Variants in PRKCH observed in about 807,000 individuals in gnomAD.
PRKCH encodes the protein protein kinase C eta type.
PRKCH carries 28 observed loss-of-function variants against 82.5 expected under a neutral mutation model. That is an observed-to-expected ratio of 0.34 (90% confidence interval 0.25 to 0.47). PRKCH has a LOEUF of 0.47. PRKCH is among the 20% of genes least tolerant of loss of function. The pLI is 1.00. For synonymous variants in PRKCH, 322 were observed against 327.4 expected, an observed-to-expected ratio of 0.98 and a Z score of 0.18; for missense variants, 705 against 881.8, an observed-to-expected ratio of 0.80 and a Z score of 2.54.
chr14:61,299,385 A>G (rs1001982396), intron 1 of PRKCH, among the ~76,000 whole-genome samples: 2 of 152,176 alleles, frequency 1.3e-5, no homozygotes, highest in African/African-American at 4.8e-5. Context: ...TATACCAGTT[A>G]AAGTCTGCCA....
chr14:61,280,222 C>G lies in PRKCH; in HGVS notation c.-19+92554C>G, dbSNP rs1435410084. On this transcript the variant is annotated intron_variant, in intron 1 of 3. Transcript: ENST00000555185. This position sits in a 1 kb window ranked among gnomAD's most constrained non-coding sequence, Gnocchi z 5.0. ...CAGGAAGGGGTTCTTGCCACCCATC[C>G]ACGAGATGCTGCTGAAGATGAGGAG... 2 of 1,614,022 alleles carry G rather than the reference C, an allele frequency of 1.2e-6. No homozygotes were observed. The highest frequency in any genetic ancestry group is 1.7e-6 in the Non-Finnish European group (2 of 1,179,948).
chr14:61,452,963 G>C (rs1884581867), intron 6 of PRKCH: 1 of 475,524 alleles, frequency 2.1e-6, no homozygotes, highest in Non-Finnish European at 3.7e-6. Flanking sequence ...TAGATGAATG[G>C]GTTTCATCAA....
intron 7 of PRKCH, among the ~76,000 whole-genome samples, chr14:61,456,136 A>C (rs1284816676): frequency 6.6e-6 from 1 of 152,194 alleles, no homozygotes; most frequent in Non-Finnish European, 1.5e-5. Context: ...CTTTACATGC[A>C]TTTGTTCATT....
At chr14:61,299,377 T>C (rs969560798) in intron 1 of PRKCH, among the ~76,000 whole-genome samples, 1 of 152,204 alleles carries the variant, frequency 6.6e-6, no homozygotes, top group Non-Finnish European at 1.5e-5. Context: ...AGGTCATATA[T>C]ACCAGTTAAA....
chr14:61,542,926 G>T lies in PRKCH; in HGVS notation c.1762-4817G>T, dbSNP rs865781676. On this transcript the variant is annotated intron_variant, in intron 12 of 13. Transcript: ENST00000332981. ...TTCTTGAGGGCTTTCTTTATGCCAG[G>T]CGCTTTACGTTAATTCTCTCATTGA... Among the ~76,000 whole-genome samples the T allele has an allele frequency of 3.9e-5, 6 of 152,274 alleles. No homozygotes were observed. The South Asian group carries it at 1.2e-3, about 32-fold the overall frequency.
chr14:61,355,272 T>C (rs562672356), intron 1 of PRKCH, among the ~76,000 whole-genome samples: 48 of 152,330 alleles, frequency 3.2e-4, no homozygotes, highest in African/African-American at 1.1e-3. Flanking sequence ...CTCATTGCAC[T>C]GAACACCATT....
intron 1 of PRKCH, among the ~76,000 whole-genome samples, chr14:61,207,632 A>T (rs75463878): frequency 6.6e-6 from 1 of 151,556 alleles, no homozygotes; most frequent in Non-Finnish European, 1.5e-5. Context: ...AAGAGCTACT[A>T]TTTATTGGGT....
intron 1 of PRKCH, among the ~76,000 whole-genome samples, chr14:61,248,200 G>C (rs1467428776): frequency 6.6e-6 from 1 of 152,066 alleles, no homozygotes; most frequent in African/African-American, 2.4e-5. Flanking sequence ...TAGCACTCCT[G>C]TCCTGGTGGG....
At chr14:61,215,995 T>C (rs11158329) in intron 1 of PRKCH, among the ~76,000 whole-genome samples, 83,810 of 152,046 alleles carry the variant, frequency 0.55, 25,127 homozygotes, top group Non-Finnish European at 0.68. Flanking sequence ...CAATCTACTC[T>C]GCCCAACTTT....
chr14:61,403,376 T>C (rs7142468), intron 2 of PRKCH, among the ~76,000 whole-genome samples: 1,858 of 152,320 alleles, frequency 0.012, 49 homozygotes, highest in African/African-American at 0.042. Context: ...CATATTTGTG[T>C]ATGTTATAAT....
chr14:61,343,899 A>T (rs2045959341), intron 1 of PRKCH, among the ~76,000 whole-genome samples: 1 of 152,196 alleles, frequency 6.6e-6, no homozygotes, highest in African/African-American at 2.4e-5. Flanking sequence ...CCTGACAGTC[A>T]GTTCTTCAGC....
chr14:61,496,538 C>A (rs1448251139), intron 10 of PRKCH, among the ~76,000 whole-genome samples: 1 of 152,170 alleles, frequency 6.6e-6, no homozygotes, highest in Non-Finnish European at 1.5e-5. Flanking sequence ...CTCTGATAAG[C>A]CTTTCCTGGA....
chr14:61,428,453 T>A (rs551950703), intron 2 of PRKCH, among the ~76,000 whole-genome samples: 5 of 152,312 alleles, frequency 3.3e-5, no homozygotes, highest in Non-Finnish European at 5.9e-5. Flanking sequence ...GGGTTTTTTT[T>A]AATCCCCTTG....
chr14:61,378,478 T>C (rs1185929059), intron 1 of PRKCH, among the ~76,000 whole-genome samples: 1 of 152,124 alleles, frequency 6.6e-6, no homozygotes, highest in Admixed American at 6.5e-5. Flanking sequence ...AATACTGAGA[T>C]TACAGATGTG....
At position 61,322,227 on chromosome 14, in the gene PRKCH, C is replaced by T. The variant is rs563007662; in HGVS notation, c.126C>T (p.Asp42=). Residue 42 remains aspartate (D), a synonymous_variant, in exon 1 of 14, where the codon GAC becomes GAT. Transcript: ENST00000332981. The part of the protein sequence containing the change: ...SLFKKGHQLL[D]PYLTVSVDQV... ...TCAAGAAGGGCCACCAGCTGCTGGA[C>T]CCCTATCTGACGGTGAGCGTGGACC... is the stretch of plus-strand genomic sequence containing the variant. 7 of 1,613,446 alleles carry T rather than the reference C, an allele frequency of 4.3e-6. No individual in the cohort carries two copies. In the African/African-American group the frequency reaches 8.0e-5, roughly 18 times the overall value.
intron 1 of PRKCH, among the ~76,000 whole-genome samples, chr14:61,212,560 T>C (rs1463215382): frequency 1.3e-5 from 2 of 152,260 alleles, no homozygotes; most frequent in African/African-American, 2.4e-5. Flanking sequence ...TTCTGTCTTA[T>C]GTCTGTCTGT....
intron 9 of PRKCH, among the ~76,000 whole-genome samples, chr14:61,478,088 C>T (rs1422105616): frequency 5.3e-5 from 8 of 152,320 alleles, no homozygotes; most frequent in Admixed American, 4.6e-4. Context: ...ACGGCCATGG[C>T]GGCTGAAGCT....
At chr14:61,430,225 C>G (rs1389765983) in intron 2 of PRKCH, among the ~76,000 whole-genome samples, 3 of 152,290 alleles carry the variant, frequency 2.0e-5, no homozygotes, top group South Asian at 2.1e-4. Context: ...ACATGCTCAG[C>G]AATTTTAGGC....
chr14:61,529,268 C>T lies in PRKCH; in HGVS notation c.1572+55C>T, dbSNP rs966959070. On this transcript the variant is annotated intron_variant, in intron 11 of 13. Coordinates refer to ENST00000332981, the MANE Select transcript of PRKCH (RefSeq NM_006255.5). ...AATCTGAGCTCTCCAGTAACTCTGA[C>T]CAGAAATGCCACTGGCTGCTTTTAT... 76 of 1,538,540 alleles carry T rather than the reference C, an allele frequency of 4.9e-5. No individual in the cohort carries two copies. In the South Asian group the frequency reaches 9.1e-4, roughly 18 times the overall value.
Sources: gnomAD v4.1 joint callset for allele counts (sites outside exome capture counted in the v4.1 genomes callset) on GRCh38, gnomAD v4.1.1 for gene constraint, Gnocchi (gnomAD v3.1) non-coding constraint, MANE v1.5 for transcripts, NCBI Gene and HGNC (gene_info 2026-07-23, HGNC 2026-07-21) for gene names.